Variants in MCFD2 observed in about 807,000 individuals in gnomAD.
MCFD2 encodes multiple coagulation factor deficiency 2, ER cargo receptor complex subunit.
In MCFD2, 11 loss-of-function variants were observed where a neutral mutation model predicts 12.8. The ratio of observed to expected loss-of-function variants is 0.86; its 90% confidence interval spans 0.54 to 1.42. The LOEUF is 1.42. Among genes scored for constraint, MCFD2 ranks in the 40% most tolerant of loss-of-function variants. The pLI, the probability that MCFD2 is intolerant of heterozygous loss-of-function variation, is 0.00. For missense variants in MCFD2, 191 were observed against 178.6 expected (o/e 1.07, Z -0.40); for synonymous variants, 70 against 68.1 (o/e 1.03, Z -0.14).
At chr2:46,938,125 C>T (rs77108433) in intron 1 of MCFD2, among the ~76,000 whole-genome samples, 1 of 151,904 alleles carries the variant, frequency 6.6e-6, no homozygotes, top group Non-Finnish European at 1.5e-5. Flanking sequence ...GCCAGATCTC[C>T]AAAACCTCCT....
intron 1 of MCFD2, among the ~76,000 whole-genome samples, chr2:46,932,816 G>A (rs1288761150): frequency 2.0e-5 from 3 of 149,352 alleles, no homozygotes; most frequent in South Asian, 2.1e-4. Context: ...CAGGAGGATC[G>A]CTTGAACCCA....
chr2:46,934,063 G>T (rs567929174), intron 1 of MCFD2, among the ~76,000 whole-genome samples: 2 of 152,258 alleles, frequency 1.3e-5, no homozygotes, highest in African/African-American at 4.8e-5. Context: ...ATGAAGGCGA[G>T]GAGAATGTCA....
At chr2:46,923,369 G>A (rs1669206463) in intron 1 of MCFD2, among the ~76,000 whole-genome samples, 1 of 152,150 alleles carries the variant, frequency 6.6e-6, no homozygotes, top group Non-Finnish European at 1.5e-5. Flanking sequence ...GAATTACCTG[G>A]GGGCTGCCAG....
rs549763658 is a variant in MCFD2 at position 46,933,926 on chromosome 2, G to A, written c.-8+7646C>T. On this transcript the variant is annotated intron_variant, in intron 1 of 2. Transcript: ENST00000409147. ...CCACATGGTAAGTATGAAAGAAGAG[G>A]CCAGAGTGGAAGGTGGGGAGGGCAT... 2.2e-4 allele frequency among the ~76,000 whole-genome samples: 34 copies of A among 152,278 alleles called. No individual in the cohort carries two copies. In the South Asian group the frequency reaches 6.2e-3, roughly 28 times the overall value.
At chr2:46,923,006 A>G (rs1669184891) in intron 1 of MCFD2, among the ~76,000 whole-genome samples, 1 of 152,240 alleles carries the variant, frequency 6.6e-6, no homozygotes, top group Non-Finnish European at 1.5e-5. Context: ...ATTTTAAAGT[A>G]TACGAATAAA....
Position 46,941,240 on chromosome 2 carries a change from C to G in MCFD2, c.-8+332G>C, listed in dbSNP as rs1301242523. The G allele has an allele frequency of 6.7e-6, 1 of 149,184 alleles. No homozygotes were observed. Among genetic ancestry groups the G allele is most frequent in the African/African-American group, 2.4e-5 (1 of 40,824 alleles). The allele number at this position is 149,184 out of a possible 1,614,324, so 9.2% of individuals were successfully genotyped here. A position where few individuals can be genotyped will look rare whatever the true frequency, so the allele number is the denominator to read the frequency against. On this transcript the variant is annotated intron_variant, in intron 1 of 2. Transcript: ENST00000409147. The surrounding 1 kb of genome is among the most constrained non-coding windows in gnomAD (Gnocchi z 4.2). ...GCGGAGGCTGTGGCAGCAGCTGCAG[C>G]GGCGGCGGCGGCGGCAGCGCCAGGA... is the stretch of plus-strand genomic sequence containing the variant.
intron 1 of MCFD2, among the ~76,000 whole-genome samples, chr2:46,927,884 G>GTTTTTT (rs566447236): frequency 1.1e-4 from 8 of 73,304 alleles, no homozygotes; most frequent in East Asian, 3.8e-4. Context: ...TTTTTTTGGT[G>GTTTTTT]TTTTTTTTTT....
At chr2:46,930,556 G>A (rs1350211059) in intron 1 of MCFD2, among the ~76,000 whole-genome samples, 1 of 147,564 alleles carries the variant, frequency 6.8e-6, no homozygotes, top group African/African-American at 2.5e-5. Context: ...CTGGAATGCA[G>A]TGGCGCGATC....
In MCFD2 at chr2:46,902,239, T is replaced by G. The variant is rs1050114183; in HGVS notation, c.*3224A>C. ...TTTTTTGGGTTCCTTTTCTAATCTT[T>G]CCTGATTTGAAAAGAATCCATGTAT... On this transcript the variant is annotated 3_prime_UTR_variant, in exon 4 of 4. Transcript: ENST00000319466. 1 of 152,622 alleles carries G rather than the reference T, an allele frequency of 6.6e-6. No individual in the cohort carries two copies. The highest frequency in any genetic ancestry group is 1.5e-5 in the Non-Finnish European group (1 of 68,050). 9.5% of individuals were successfully genotyped at this position (152,622 alleles called of 1,614,324 possible).
At chr2:46,933,664 A>C (rs1322948920) in intron 1 of MCFD2, among the ~76,000 whole-genome samples, 1 of 152,248 alleles carries the variant, frequency 6.6e-6, no homozygotes, top group Non-Finnish European at 1.5e-5. Context: ...TTCCGAATGT[A>C]GCGATCCTGA....
In MCFD2 at chr2:46,905,727, A is replaced by G. The variant is rs1010128564; in HGVS notation, c.310-133T>C. 7.3e-6 allele frequency: 7 copies of G among 962,904 alleles called. No homozygotes were observed. The African/African-American group carries it at 1.0e-4, about 14-fold the overall frequency. The allele number at this position is 962,904 out of a possible 1,614,324, so 59.6% of individuals were successfully genotyped here. ...AAAAAAAAAAAAAAGGAAAAACAAAACAACAAAATATCCACGCTCATATGT... is the reference window on the plus strand; with the variant it reads ...AAAAAAAAAAAAAAGGAAAAACAAAGCAACAAAATATCCACGCTCATATGT... On this transcript the variant is annotated intron_variant, in intron 3 of 3. Coordinates refer to ENST00000319466, the MANE Select transcript of MCFD2 (RefSeq NM_139279.6).
In MCFD2 at chr2:46,908,029, T is replaced by G. The variant is rs1035422362; in HGVS notation, c.150-60A>C. The G allele has an allele frequency of 1.5e-5, 24 of 1,594,504 alleles. No individual in the cohort carries two copies. In the African/African-American group the frequency reaches 3.1e-4, roughly 20 times the overall value. ...AGATACTGGGATCATGCTGAAATCT[T>G]AAGGACTCTGAAAAGTTCAAGATCT... is the stretch of plus-strand genomic sequence containing the variant. On this transcript the variant is annotated intron_variant, in intron 2 of 3. Transcript: ENST00000319466. The surrounding 1 kb of genome is among the most constrained non-coding windows in gnomAD (Gnocchi z 4.5).
upstream of MCFD2, among the ~76,000 whole-genome samples, chr2:46,918,347 C>T (rs1160451734): frequency 2.6e-5 from 4 of 152,208 alleles, no homozygotes; most frequent in Non-Finnish European, 5.9e-5. Context: ...GAGTCTTTGA[C>T]TTCTTTCCAC....
At chr2:46,925,878 C>T (rs190744966) in intron 1 of MCFD2, among the ~76,000 whole-genome samples, 116 of 152,322 alleles carry the variant, frequency 7.6e-4, no homozygotes, top group African/African-American at 2.7e-3. Context: ...AGATTCCTTT[C>T]TTAAAAACCA....
At position 46,941,055 on chromosome 2, in the gene MCFD2, G is replaced by T. The variant is rs1453062342; in HGVS notation, c.-8+517C>A. On this transcript the variant is annotated intron_variant, in intron 1 of 2. Transcript: ENST00000409147. This position sits in a 1 kb window ranked among gnomAD's most constrained non-coding sequence, Gnocchi z 4.2. ...GACTCCGCGGCGGGGGCGGCGGCGG[G>T]GGGCGGGTACCCGGGCGGCCGCGAG... 1 of 149,664 alleles carries T rather than the reference G, an allele frequency of 6.7e-6. No individual in the cohort carries two copies. The highest frequency in any genetic ancestry group is 2.5e-5 in the African/African-American group (1 of 40,408). The allele number at this position is 149,664 out of a possible 1,614,324, so 9.3% of individuals were successfully genotyped here.
At chr2:46,914,595 A>G (rs184896523) in intron 1 of MCFD2, among the ~76,000 whole-genome samples, 13 of 152,304 alleles carry the variant, frequency 8.5e-5, no homozygotes, top group Admixed American at 8.5e-4. Flanking sequence ...TTATACATTT[A>G]ATGACCGTAC....
intron 1 of MCFD2, among the ~76,000 whole-genome samples, chr2:46,930,932 T>C (rs1263930257): frequency 6.6e-6 from 1 of 152,236 alleles, no homozygotes; most frequent in Non-Finnish European, 1.5e-5. Context: ...TCTGATTCAT[T>C]TACAAAGCTA....
At chr2:46,920,410 A>G (rs563024865), upstream of MCFD2, among the ~76,000 whole-genome samples, 16 of 152,074 alleles carry the variant, frequency 1.1e-4, no homozygotes, top group South Asian at 1.9e-3. Flanking sequence ...GCTCACTGCA[A>G]TCTTTGCCTC....
At chr2:46,932,616 G>A (rs922890821) in intron 1 of MCFD2, among the ~76,000 whole-genome samples, 11 of 152,020 alleles carry the variant, frequency 7.2e-5, no homozygotes, top group South Asian at 2.1e-4. Flanking sequence ...AGAAGCAGGT[G>A]GAGGCCAGGT....
Sources: allele counts gnomAD v4.1 joint callset (sites outside exome capture counted in the v4.1 genomes callset), GRCh38; gene constraint gnomAD v4.1.1; non-coding constraint Gnocchi (gnomAD v3.1); transcripts MANE v1.5; gene names NCBI Gene and HGNC (gene_info 2026-07-23, HGNC 2026-07-21).